KCTD9: variants seen among roughly 807,000 people sequenced by gnomAD.
KCTD9 encodes the protein potassium channel tetramerization domain containing 9, also known as BTB/POZ domain-containing protein KCTD9.
KCTD9 carries 17 observed loss-of-function variants against 53.3 expected under a neutral mutation model. That is an observed-to-expected ratio of 0.32 (90% confidence interval 0.22 to 0.48). The LOEUF (loss-of-function observed/expected upper bound fraction) is 0.48, where lower values mean the gene tolerates loss of function less well. KCTD9 is among the 20% of genes least tolerant of loss of function. KCTD9 has a pLI of 0.99. For synonymous variants in KCTD9, 128 were observed against 162.7 expected (o/e 0.79, Z 1.62); for missense variants, 179 against 465.5 (o/e 0.38, Z 5.66).
intron 9 of KCTD9, among the ~76,000 whole-genome samples, chr8:25,433,977 G>A (rs1434347038): frequency 6.6e-6 from 1 of 152,208 alleles, no homozygotes; most frequent in Non-Finnish European, 1.5e-5. Flanking sequence ...CTAACAAGAT[G>A]CTGGCTGGGT....
At chr8:25,437,145 G>T (rs1008421433) in intron 6 of KCTD9, among the ~76,000 whole-genome samples, 1 of 152,112 alleles carries the variant, frequency 6.6e-6, no homozygotes, top group African/African-American at 2.4e-5. Context: ...GTACAGCATC[G>T]GGCTACCACT....
In KCTD9 at chr8:25,433,324, T is replaced by A. The variant is rs376976553; in HGVS notation, c.919+6A>T. Reference sequence around the variant, plus strand: ...GTAGAATAGGTATTTACAGAAAGGATCTCACCTTCTAAATTGGCTTTAAGA... The same window carrying A: ...GTAGAATAGGTATTTACAGAAAGGAACTCACCTTCTAAATTGGCTTTAAGA... On this transcript the variant is annotated splice_donor_region_variant and intron_variant, in intron 10 of 11. Transcript: ENST00000221200. 1.4e-4 allele frequency: 212 copies of A among 1,505,768 alleles called. No individual in the cohort carries two copies. The Middle Eastern group carries it at 3.0e-3, about 22-fold the overall frequency. 93.3% of individuals were successfully genotyped at this position (1,505,768 alleles called of 1,614,324 possible). A position where few individuals can be genotyped will look rare whatever the true frequency, so the allele number is the denominator to read the frequency against.
intron 1 of KCTD9, among the ~76,000 whole-genome samples, chr8:25,456,616 TTC>T (rs1187795514): frequency 6.6e-6 from 1 of 152,118 alleles, no homozygotes; most frequent in African/African-American, 2.4e-5. Context: ...TTCCCCAATC[TTC>T]TGAGATTCTC....
intron 1 of KCTD9, among the ~76,000 whole-genome samples, chr8:25,455,820 T>C (rs1434256705): frequency 6.6e-6 from 1 of 152,214 alleles, no homozygotes; most frequent in Non-Finnish European, 1.5e-5. Context: ...CAGCTGAATG[T>C]TCAGTGACTG....
chr8:25,428,494 T>A lies in KCTD9; in HGVS notation c.*1363A>T, dbSNP rs1051011312. 9 of 152,490 alleles carry A rather than the reference T, an allele frequency of 5.9e-5. No homozygotes were observed. Among genetic ancestry groups the A allele is most frequent in the African/African-American group, 1.4e-4 (6 of 41,422 alleles). The allele number at this position is 152,490 out of a possible 1,614,324, so 9.4% of individuals were successfully genotyped here. On this transcript the variant is annotated 3_prime_UTR_variant, in exon 12 of 12. Coordinates refer to ENST00000221200, the MANE Select transcript of KCTD9 (RefSeq NM_017634.4). ...TGGTTTTCAATGATTCCTTGCCTCATGTTGATGAGTCTGTAGAATTCAGAA... is the reference window on the plus strand; with the variant it reads ...TGGTTTTCAATGATTCCTTGCCTCAAGTTGATGAGTCTGTAGAATTCAGAA...
In KCTD9 at chr8:25,436,290, T is replaced by C. The variant is rs200962577; in HGVS notation, c.608A>G (p.Lys203Arg). ...TGCTAGCAAAAATCGGACAAATTCCTTTCGGGATATTGGTGAATGATCCTC... is the reference window on the plus strand; with the variant it reads ...TGCTAGCAAAAATCGGACAAATTCCCTTCGGGATATTGGTGAATGATCCTC... Reference protein sequence around the residue: ...PPEDHSPISRKEFVRFLLATP... With the variant: ...PPEDHSPISRREFVRFLLATP... Residue 203 changes from lysine to arginine, a missense_variant, in exon 8 of 12, where the codon AAG becomes AGG. Physicochemically the swap from Lys to Arg is conservative, Grantham distance 26. This residue lies in a region of KCTD9 where 115 missense variants were observed against 250.9 expected (regional missense o/e 0.46). Transcript: ENST00000221200. 1.2e-5 allele frequency: 19 copies of C among 1,612,502 alleles called. No individual in the cohort carries two copies. The highest frequency in any genetic ancestry group is 1.7e-6 in the Non-Finnish European group (2 of 1,179,666).
Position 25,433,311 on chromosome 8 carries a change from T to C in KCTD9, c.919+19A>G. 1.4e-6 allele frequency: 2 copies of C among 1,389,072 alleles called. No homozygotes were observed. Among genetic ancestry groups the C allele is most frequent in the Non-Finnish European group, 2.0e-6 (2 of 985,250 alleles). 86.0% of individuals were successfully genotyped at this position (1,389,072 alleles called of 1,614,324 possible). A position where few individuals can be genotyped will look rare whatever the true frequency, so the allele number is the denominator to read the frequency against. ...GTCTGCTTCCTTCGTAGAATAGGTA[T>C]TTACAGAAAGGATCTCACCTTCTAA... On this transcript the variant is annotated intron_variant, in intron 10 of 11. Coordinates refer to ENST00000221200, the MANE Select transcript of KCTD9 (RefSeq NM_017634.4).
intron 11 of KCTD9, among the ~76,000 whole-genome samples, chr8:25,430,189 T>A (rs1015033204): frequency 6.6e-6 from 1 of 152,176 alleles, no homozygotes; most frequent in Non-Finnish European, 1.5e-5. Flanking sequence ...TAAATATGTA[T>A]AAACAAAGGT....
intron 3 of KCTD9, among the ~76,000 whole-genome samples, chr8:25,443,185 C>A (rs1172029192): frequency 3.3e-5 from 5 of 151,886 alleles, no homozygotes; most frequent in Admixed American, 6.6e-5. Context: ...AATAATGAAC[C>A]CAATAGCGAA....
Position 25,458,348 on chromosome 8 carries a change from A to G in KCTD9, c.-102T>C. Reference sequence around the variant, plus strand: ...CCTTCCCCTCCCTCCACCCACTCGGATTCGCCTCCCTTCGCCACCTTCCTG... The same window carrying G: ...CCTTCCCCTCCCTCCACCCACTCGGGTTCGCCTCCCTTCGCCACCTTCCTG... On this transcript the variant is annotated 5_prime_UTR_variant, in exon 1 of 12. Transcript: ENST00000221200. 7.7e-7 allele frequency: 1 copy of G among 1,296,830 alleles called. No individual in the cohort carries two copies. The highest frequency in any genetic ancestry group is 1.1e-6 in the Non-Finnish European group (1 of 926,096). 80.3% of individuals were successfully genotyped at this position (1,296,830 alleles called of 1,614,324 possible).
chr8:25,443,782 C>T (rs1016749373), intron 3 of KCTD9, among the ~76,000 whole-genome samples: 29 of 152,126 alleles, frequency 1.9e-4, no homozygotes, highest in Non-Finnish European at 3.7e-4. Context: ...TCCTTTCGGC[C>T]TTTTCTTTTG....
intron 1 of KCTD9, among the ~76,000 whole-genome samples, chr8:25,453,226 A>G (rs1005025448): frequency 2.0e-5 from 3 of 152,110 alleles, no homozygotes; most frequent in Admixed American, 6.6e-5. Context: ...GAGTGGTGGC[A>G]CGTGCCTGTA....
chr8:25,432,095 A>G (rs1801941408), intron 11 of KCTD9, among the ~76,000 whole-genome samples: 1 of 152,216 alleles, frequency 6.6e-6, no homozygotes, highest in Admixed American at 6.5e-5. Context: ...AAGAAGACAT[A>G]CAAATATAAT....
chr8:25,435,383 G>C lies in KCTD9; in HGVS notation c.793C>G (p.Leu265Val), dbSNP rs1221757939. The C allele has an allele frequency of 6.2e-7, 1 of 1,606,676 alleles. No homozygotes were observed. Among genetic ancestry groups the C allele is most frequent in the African/African-American group, 1.3e-5 (1 of 74,640 alleles). Residue 265 changes from leucine to valine, a missense_variant, in exon 9 of 12, where the codon CTC becomes GTC. Around this residue, in one of 4 missense-constraint regions of KCTD9, gnomAD observed 32 missense variants for 55.7 expected, o/e 0.57. Transcript: ENST00000221200. ...LCCANLERAD[L>V]SGSVLDCANL... Reference sequence around the variant, plus strand: ...CTTACGTCAAGCACTGATCCAGAGAGATCAGCTCGTTCAAGATTTGCACAG... The same window carrying C: ...CTTACGTCAAGCACTGATCCAGAGACATCAGCTCGTTCAAGATTTGCACAG...
At chr8:25,455,428 T>C (rs992985630) in intron 1 of KCTD9, among the ~76,000 whole-genome samples, 1 of 152,126 alleles carries the variant, frequency 6.6e-6, no homozygotes, top group Non-Finnish European at 1.5e-5. Flanking sequence ...AGGCTGATTA[T>C]TAATAGCAAT....
chr8:25,429,658 T>C lies in KCTD9; in HGVS notation c.*199A>G. 1 of 488,472 alleles carries C rather than the reference T, an allele frequency of 2.0e-6. No individual in the cohort carries two copies. Among genetic ancestry groups the C allele is most frequent in the Non-Finnish European group, 3.8e-6 (1 of 261,852 alleles). The allele number at this position is 488,472 out of a possible 1,614,324, so 30.3% of individuals were successfully genotyped here. A position where few individuals can be genotyped will look rare whatever the true frequency, so the allele number is the denominator to read the frequency against. ...CCCTACATCTATTAAATGAGTGCTT[T>C]TCTGTTAAAAATCAGAATATGGAAA... On this transcript the variant is annotated 3_prime_UTR_variant, in exon 12 of 12. Transcript: ENST00000221200.
Position 25,446,381 on chromosome 8 carries a change from G to C in KCTD9, c.49-131C>G, listed in dbSNP as rs949162248. 1.4e-5 allele frequency: 14 copies of C among 1,021,846 alleles called. No individual in the cohort carries two copies. In the Admixed American group the frequency reaches 2.5e-4, roughly 18 times the overall value. 63.3% of individuals were successfully genotyped at this position (1,021,846 alleles called of 1,614,324 possible). The stretch of plus-strand genomic sequence containing the variant: ...AGGAGACTTCAAAAGGTTCTTAACA[G>C]TGCCCCCTTTTCTTCCATGACTCAT... On this transcript the variant is annotated intron_variant, in intron 1 of 11. Transcript: ENST00000221200.
At position 25,458,390 on chromosome 8, in the gene KCTD9, A is replaced by ACACG. The variant is rs1802522708; in HGVS notation, c.-148_-145dup. Reference sequence around the variant, plus strand: ...ACCTTCCTGCCCTTGGGGACACACCACACGCACGCACTCTGTCCCACACCC... The same window carrying ACACG: ...ACCTTCCTGCCCTTGGGGACACACCACACGCACGCACGCACTCTGTCCCACACCC... On this transcript the variant is annotated 5_prime_UTR_variant, in exon 1 of 12. Coordinates refer to ENST00000221200, the MANE Select transcript of KCTD9 (RefSeq NM_017634.4). 3.5e-6 allele frequency: 3 copies of ACACG among 856,478 alleles called. No individual in the cohort carries two copies. The East Asian group carries it at 8.0e-5, about 23-fold the overall frequency. 53.1% of individuals were successfully genotyped at this position (856,478 alleles called of 1,614,324 possible). A position where few individuals can be genotyped will look rare whatever the true frequency, so the allele number is the denominator to read the frequency against.
rs1242654669 is a variant in KCTD9, at chr8:25,429,046, A to AATAG, written c.*807_*810dup. ...ATGAGAAAACTAGGCTAATAGTGTA[A>AATAG]ATAGATAGAATTGCTTGATCTGGTG... On this transcript the variant is annotated 3_prime_UTR_variant, in exon 12 of 12. Coordinates refer to ENST00000221200, the MANE Select transcript of KCTD9 (RefSeq NM_017634.4). 2.6e-5 allele frequency: 4 copies of AATAG among 152,212 alleles called. No individual in the cohort carries two copies. Among genetic ancestry groups the AATAG allele is most frequent in the Non-Finnish European group, 4.4e-5 (3 of 68,038 alleles). 9.4% of individuals were successfully genotyped at this position (152,212 alleles called of 1,614,324 possible). A position where few individuals can be genotyped will look rare whatever the true frequency, so the allele number is the denominator to read the frequency against.
Sources: gnomAD v4.1 joint callset for allele counts (sites outside exome capture counted in the v4.1 genomes callset) on GRCh38, gnomAD v4.1.1 for gene constraint, gnomAD v4.1.1 regional missense constraint, MANE v1.5 for transcripts, NCBI Gene and HGNC (gene_info 2026-07-23, HGNC 2026-07-21) for gene names.